MCHR2: variants seen among roughly 807,000 people sequenced by gnomAD.
MCHR2 encodes melanin-concentrating hormone receptor 2.
A neutral mutation model predicts 24.8 loss-of-function variants in MCHR2; 15 were observed. The ratio of observed to expected loss-of-function variants is 0.60; its 90% confidence interval spans 0.40 to 0.93. The LOEUF is 0.93. MCHR2 is among the 40% of genes least tolerant of loss of function. The pLI is 0.00. For missense variants in MCHR2, 386 were observed against 408.7 expected (o/e 0.94, Z 0.48); for synonymous variants, 151 against 147.6 (o/e 1.02, Z -0.17).
intron 1 of MCHR2, among the ~76,000 whole-genome samples, chr6:99,983,959 T>C (rs922058216): frequency 1.1e-4 from 16 of 152,174 alleles, no homozygotes; most frequent in African/African-American, 3.9e-4. Context: ...AAGGAAGGAT[T>C]GGACTCTTTA....
intron 5 of MCHR2, among the ~76,000 whole-genome samples, chr6:99,922,859 T>C (rs2114482533): frequency 6.6e-6 from 1 of 152,104 alleles, no homozygotes; most frequent in South Asian, 2.1e-4. Context: ...GCTCAGGATA[T>C]ATTTGGCTAT....
chr6:99,930,850 A>G (rs1056010303), intron 5 of MCHR2, among the ~76,000 whole-genome samples: 2 of 152,206 alleles, frequency 1.3e-5, no homozygotes, highest in Non-Finnish European at 2.9e-5. Flanking sequence ...CGTCAAAGTC[A>G]TTCTCCATCC....
rs771203993 is a variant in MCHR2, at chr6:99,943,009, T to A, written c.527A>T (p.Lys176Ile). 2 of 1,613,048 alleles carry A rather than the reference T, an allele frequency of 1.2e-6. No homozygotes were observed. The highest frequency in any genetic ancestry group is 1.7e-6 in the Non-Finnish European group (2 of 1,179,324). Reference sequence around the variant, plus strand: ...ACAACTCTCAACACCGTCTTTAAATTTGATGACCTTCGAGTAGACCCAGAC... The same window carrying A: ...ACAACTCTCAACACCGTCTTTAAATATGATGACCTTCGAGTAGACCCAGAC... ...LPVWVYSKVI[K>I]FKDGVESCAF... The change falls in exon 4 of 6, where the codon AAA becomes ATA. Residue 176 changes from lysine to isoleucine, a missense_variant. Coordinates refer to ENST00000281806, the MANE Select transcript of MCHR2 (RefSeq NM_001040179.2).
intron 1 of MCHR2, among the ~76,000 whole-genome samples, chr6:99,986,874 T>C (rs1031030592): frequency 1.3e-5 from 2 of 150,312 alleles, no homozygotes; most frequent in Non-Finnish European, 3.0e-5. Context: ...ATAATATACA[T>C]GTATATATAT....
At chr6:99,969,747 A>G (rs1432165714) in intron 1 of MCHR2, among the ~76,000 whole-genome samples, 14 of 125,232 alleles carry the variant, frequency 1.1e-4, no homozygotes, top group Non-Finnish European at 1.3e-4. Context: ...AGAGTGTGAT[A>G]TTCCCCTTCC....
intron 4 of MCHR2, among the ~76,000 whole-genome samples, chr6:99,938,836 CTATTA>C (rs1463363810): frequency 1.3e-5 from 2 of 152,030 alleles, no homozygotes; most frequent in African/African-American, 4.8e-5. Flanking sequence ...CCCTGAAGAT[CTATTA>C]GTGTTTGCTC....
intron 1 of MCHR2, among the ~76,000 whole-genome samples, chr6:99,992,524 C>T (rs568949554): frequency 1.1e-4 from 17 of 152,180 alleles, no homozygotes; most frequent in Non-Finnish European, 2.4e-4. Context: ...TCTCTCACAG[C>T]ATCTTGGACC....
intron 5 of MCHR2, among the ~76,000 whole-genome samples, chr6:99,928,020 T>A (rs1186309793): frequency 2.0e-5 from 3 of 152,238 alleles, no homozygotes; most frequent in Non-Finnish European, 2.9e-5. Context: ...TATCAATACC[T>A]AATTTATTGA....
At chr6:99,972,525 T>C (rs912162929) in intron 1 of MCHR2, among the ~76,000 whole-genome samples, 1 of 152,190 alleles carries the variant, frequency 6.6e-6, no homozygotes, top group Non-Finnish European at 1.5e-5. Flanking sequence ...CCTGGATTCA[T>C]TAATTTTTTG....
intron 5 of MCHR2, among the ~76,000 whole-genome samples, chr6:99,928,846 G>T (rs1238779401): frequency 6.6e-6 from 1 of 152,030 alleles, no homozygotes; most frequent in Non-Finnish European, 1.5e-5. Context: ...CTTCAGTTCT[G>T]CTCTGATTTT....
At chr6:99,922,163 G>C (rs1383561332) in intron 5 of MCHR2, among the ~76,000 whole-genome samples, 2 of 146,256 alleles carry the variant, frequency 1.4e-5, no homozygotes. Flanking sequence ...CTGGAGTGCA[G>C]TGGCACAATC....
At chr6:99,926,048 T>C (rs1774349533) in intron 5 of MCHR2, among the ~76,000 whole-genome samples, 1 of 151,866 alleles carries the variant, frequency 6.6e-6, no homozygotes, top group Admixed American at 6.6e-5. Flanking sequence ...TGTGTTCTCA[T>C]TGTTCAATTC....
intron 1 of MCHR2, among the ~76,000 whole-genome samples, chr6:99,972,195 C>G (rs556643753): frequency 2.6e-5 from 4 of 152,246 alleles, no homozygotes; most frequent in South Asian, 2.1e-4. Flanking sequence ...TGGTTCTGGA[C>G]TCTTTTTGGT....
At chr6:99,942,504 A>C (rs1257571644) in intron 4 of MCHR2, among the ~76,000 whole-genome samples, 1 of 152,160 alleles carries the variant, frequency 6.6e-6, no homozygotes, top group African/African-American at 2.4e-5. Context: ...TACATCTGAA[A>C]AAACCCTATT....
At chr6:99,931,270 C>T (rs1289421210) in intron 5 of MCHR2, among the ~76,000 whole-genome samples, 1 of 152,216 alleles carries the variant, frequency 6.6e-6, no homozygotes, top group African/African-American at 2.4e-5. Flanking sequence ...CCCAGTTAGG[C>T]TGCTCGGGGG....
Position 99,920,968 on chromosome 6 carries a change from A to C in MCHR2, c.995T>G (p.Met332Arg). ...RRATEKEINN[M>R]GNTLKSHF is the part of the protein sequence containing the mutation. ...AAAGTGTGATTTCAGAGTGTTTCCC[A>C]TATTGTTGATTTCCTTCTCAGTCGC... The change falls in exon 6 of 6, where the codon ATG becomes AGG. Residue 332 changes from methionine (M) to arginine (R), a missense_variant. Transcript: ENST00000281806. 3 of 1,614,136 alleles carry C rather than the reference A, an allele frequency of 1.9e-6. No individual in the cohort carries two copies. Among genetic ancestry groups the C allele is most frequent in the Non-Finnish European group, 2.5e-6 (3 of 1,180,006 alleles).
intron 5 of MCHR2, among the ~76,000 whole-genome samples, chr6:99,926,291 A>T (rs1774356217): frequency 6.6e-6 from 1 of 152,026 alleles, no homozygotes; most frequent in Admixed American, 6.6e-5. Context: ...GCCACAATAA[A>T]CATACGTATG....
At chr6:99,992,144 G>A (rs1394418886) in intron 1 of MCHR2, among the ~76,000 whole-genome samples, 1 of 152,192 alleles carries the variant, frequency 6.6e-6, no homozygotes, top group Non-Finnish European at 1.5e-5. Context: ...AGGCATCCCG[G>A]CATCTTCAGG....
At chr6:99,965,929 A>G (rs1405232343) in intron 1 of MCHR2, among the ~76,000 whole-genome samples, 1 of 152,162 alleles carries the variant, frequency 6.6e-6, no homozygotes, top group African/African-American at 2.4e-5. Flanking sequence ...TTCACATCAT[A>G]AGATTTGGGA....
Sources: gnomAD v4.1 joint callset for allele counts (sites outside exome capture counted in the v4.1 genomes callset) on GRCh38, gnomAD v4.1.1 for gene constraint, MANE v1.5 for transcripts, NCBI Gene and HGNC (gene_info 2026-07-23, HGNC 2026-07-21) for gene names.